USP42: variants seen among roughly 807,000 people sequenced by gnomAD.
USP42 encodes ubiquitin specific peptidase 42.
In USP42, 23 loss-of-function variants were observed where a neutral mutation model predicts 113.0. That is an observed-to-expected ratio of 0.20 (90% CI 0.15 to 0.29). The LOEUF (loss-of-function observed/expected upper bound fraction) is 0.29, where lower values mean the gene tolerates loss of function less well. USP42 is among the 10% of genes least tolerant of loss of function. The pLI is 1.00. For synonymous variants in USP42, 933 were observed against 699.0 expected (o/e 1.33, Z -5.28); for missense variants, 2,174 against 1,779.8 (o/e 1.22, Z -3.99).
chr7:6,109,464 C>T (rs983415212), intron 1 of USP42, among the ~76,000 whole-genome samples: 3 of 152,152 alleles, frequency 2.0e-5, no homozygotes, highest in Non-Finnish European at 4.4e-5. Flanking sequence ...ATGATCTCGG[C>T]TCACTGCAAT....
rs199973271 is a variant in USP42 at position 6,147,830 on chromosome 7, G to T, written c.1324G>T (p.Val442Phe). The T allele has an allele frequency of 1.1e-5, 18 of 1,613,522 alleles. No homozygotes were observed. In the South Asian group the frequency reaches 2.0e-4, roughly 18 times the overall value. The change falls in exon 12 of 18, where the codon GTC becomes TTC. Residue 442 changes from valine (V) to phenylalanine (F), a missense_variant. Transcript: ENST00000306177. ...CCGCCCCGTCATCAGTCAGCGGGTT[G>T]TCACCAACAAACAGGCTGCGCCAGG... Reference protein sequence around the residue: ...SPRPVISQRVVTNKQAAPGFI... With the variant: ...SPRPVISQRVFTNKQAAPGFI...
intron 9 of USP42, among the ~76,000 whole-genome samples, chr7:6,145,178 C>G (rs1034942294): frequency 8.6e-5 from 13 of 151,748 alleles, no homozygotes; most frequent in Admixed American, 7.9e-4. Context: ...ACTAAAAATA[C>G]AAAAATTAGC....
chr7:6,151,047 C>T (rs1782020717), intron 14 of USP42, among the ~76,000 whole-genome samples: 1 of 152,200 alleles, frequency 6.6e-6, no homozygotes, highest in African/African-American at 2.4e-5. Flanking sequence ...GCACTGGATC[C>T]CGTAGGCAGC....
intron 2 of USP42, among the ~76,000 whole-genome samples, chr7:6,114,681 T>TC (rs56869122): frequency 1.7e-5 from 1 of 57,892 alleles, no homozygotes; most frequent in Non-Finnish European, 3.4e-5. Flanking sequence ...TATATATATT[T>TC]TTTTTTTTTT....
At chr7:6,123,634 G>C (rs1170044668) in intron 3 of USP42, among the ~76,000 whole-genome samples, 1 of 152,046 alleles carries the variant, frequency 6.6e-6, no homozygotes, top group Non-Finnish European at 1.5e-5. Flanking sequence ...CTGCACTCCA[G>C]CCTGGGCGAC....
rs1317247711 is a variant in USP42 at position 6,149,180 on chromosome 7, G to A, written c.1387-403G>A. ...GAAGCAGCCCCTACTCTCCGCCCAC[G>A]TGACCGTCTCCTTTGCTCCGAGGCG... On this transcript the variant is annotated intron_variant, in intron 12 of 17. Transcript: ENST00000306177. 2.0e-5 allele frequency among the ~76,000 whole-genome samples: 3 copies of A among 152,154 alleles called. No homozygotes were observed. The South Asian group carries it at 6.2e-4, about 32-fold the overall frequency.
chr7:6,085,600 A>G, the USP42 span, among the ~76,000 whole-genome samples: 1 of 144,138 alleles, frequency 6.9e-6, no homozygotes, highest in East Asian at 2.0e-4. Context: ...TGTAATATAT[A>G]CAAATATATA....
At position 6,153,766 on chromosome 7, in the gene USP42, G is replaced by A. The variant is rs1306154503; in HGVS notation, c.2212G>A (p.Ala738Thr). The change falls in exon 15 of 18, where the codon GCA becomes ACA. Residue 738 changes from alanine to threonine, a missense_variant. Ala to Thr is a moderately conservative substitution (Grantham distance 58). Transcript: ENST00000306177. Reference protein sequence around the residue: ...GSTDEMSAPGAERGPPEDRDA... With the variant: ...GSTDEMSAPGTERGPPEDRDA... Reference sequence around the variant, plus strand: ...GTTTGGGGGCTGCAGTGCACCTGGAGCAGAGAGGGGCCCTCCCGAGGACCG... The same window carrying A: ...GTTTGGGGGCTGCAGTGCACCTGGAACAGAGAGGGGCCCTCCCGAGGACCG... 1.4e-6 allele frequency: 2 copies of A among 1,466,746 alleles called. No individual in the cohort carries two copies. Among genetic ancestry groups the A allele is most frequent in the Non-Finnish European group, 1.8e-6 (2 of 1,106,790 alleles). The allele number at this position is 1,466,746 out of a possible 1,614,324, so 90.9% of individuals were successfully genotyped here.
chr7:6,085,624 A>ATT, the USP42 span, among the ~76,000 whole-genome samples: 5,951 of 138,176 alleles, frequency 0.043, 215 homozygotes, highest in South Asian at 0.083. Context: ...ATATATATAT[A>ATT]TTTTTTTTGA....
chr7:6,153,658 A>T, intron 14 of USP42, 98 bp from the exon 15 acceptor site: 1 of 1,324,642 alleles, frequency 7.5e-7, no homozygotes, highest in Non-Finnish European at 9.8e-7. Flanking sequence ...GAGACGAAAT[A>T]GCAAATGAAC....
intron 2 of USP42, among the ~76,000 whole-genome samples, chr7:6,114,141 A>T (rs2128479833): frequency 6.6e-6 from 1 of 152,274 alleles, no homozygotes; most frequent in East Asian, 1.9e-4. Context: ...TGATAGCCTG[A>T]GTTCAAAACC....
chr7:6,157,024 TGAC>T lies in USP42; in HGVS notation c.3913_3915del (p.Asp1305del). On this transcript the variant is annotated inframe_deletion, in exon 16 of 18. Transcript: ENST00000306177. The surrounding 1 kb of genome is among the most constrained non-coding windows in gnomAD (Gnocchi z 4.1). ...AACACTTACGGATGGAAAGCAGGGA[TGAC>T]AGGTGTCGTCTCTTTGAGTATGGCC... is the stretch of plus-strand genomic sequence containing the variant. 6.2e-6 allele frequency: 10 copies of T among 1,611,934 alleles called. No homozygotes were observed. Among genetic ancestry groups the T allele is most frequent in the Non-Finnish European group, 8.5e-6 (10 of 1,179,300 alleles).
chr7:6,100,062 A>C (rs1290400391), upstream of USP42, among the ~76,000 whole-genome samples: 1 of 148,656 alleles, frequency 6.7e-6, no homozygotes, highest in Non-Finnish European at 1.5e-5. Flanking sequence ...TATGTTGCCC[A>C]GGCTGGTCTT....
the USP42 span, among the ~76,000 whole-genome samples, chr7:6,092,049 TCTTC>T: frequency 1.1e-5 from 1 of 87,558 alleles, no homozygotes; most frequent in Non-Finnish European, 2.5e-5. Context: ...TTCTTCTTCT[TCTTC>T]TTTCTTCTTC....
Position 6,154,380 on chromosome 7 carries a change from C to T in USP42, c.2826C>T (p.Ile942=), listed in dbSNP as rs568726454. Reference sequence around the variant, plus strand: ...GCCCTTCCCCAGCGAAGGAGAAAATCGGCAGCCTCAGAAAGGTGGACCGAG... The same window carrying T: ...GCCCTTCCCCAGCGAAGGAGAAAATTGGCAGCCTCAGAAAGGTGGACCGAG... The part of the protein sequence containing the change: ...APGPSPAKEK[I]GSLRKVDRGH... Residue 942 remains isoleucine, a synonymous_variant, in exon 15 of 18, where the codon ATC becomes ATT. Coordinates refer to ENST00000306177, the MANE Select transcript of USP42 (RefSeq NM_032172.3). The T allele has an allele frequency of 1.5e-5, 23 of 1,576,258 alleles. No individual in the cohort carries two copies. Among genetic ancestry groups the T allele is most frequent in the Non-Finnish European group, 1.5e-5 (18 of 1,162,760 alleles).
Position 6,154,723 on chromosome 7 carries a change from G to T in USP42, c.3169G>T (p.Asp1057Tyr). Residue 1057 changes from aspartate to tyrosine, a missense_variant, in exon 15 of 18, where the codon GAC becomes TAC. Physicochemically the swap from Asp to Tyr is radical, Grantham distance 160. Coordinates refer to ENST00000306177, the MANE Select transcript of USP42 (RefSeq NM_032172.3). ...GTTCTACCCCGACAGGCCGCGCTGG[G>T]ACAGGTGCCGGTACTACCATGACAG... ...EKFYPDRPRW[D>Y]RCRYYHDRYA... 1 of 1,589,202 alleles carries T rather than the reference G, an allele frequency of 6.3e-7. No individual in the cohort carries two copies. The highest frequency in any genetic ancestry group is 8.6e-7 in the Non-Finnish European group (1 of 1,169,326).
chr7:6,148,606 A>C (rs1781853669), intron 12 of USP42, among the ~76,000 whole-genome samples: 1 of 151,916 alleles, frequency 6.6e-6, no homozygotes, highest in African/African-American at 2.4e-5. Flanking sequence ...GTTTGATTTT[A>C]CTCCCTGTTG....
intron 3 of USP42, among the ~76,000 whole-genome samples, chr7:6,123,756 G>C (rs1780367014): frequency 6.8e-6 from 1 of 147,658 alleles, no homozygotes; most frequent in African/African-American, 2.5e-5. Context: ...GCCGAGGTAG[G>C]AGAATCACTT....
chr7:6,145,859 C>G (rs2128509818), intron 10 of USP42, among the ~76,000 whole-genome samples: 1 of 152,290 alleles, frequency 6.6e-6, no homozygotes, highest in African/African-American at 2.4e-5. Flanking sequence ...CACTTGAGGT[C>G]AGGAGTTCAA....
Sources: allele counts gnomAD v4.1 joint callset (sites outside exome capture counted in the v4.1 genomes callset), GRCh38; gene constraint gnomAD v4.1.1; non-coding constraint Gnocchi (gnomAD v3.1); transcripts MANE v1.5; gene names NCBI Gene and HGNC (gene_info 2026-07-23, HGNC 2026-07-21).